The following CSGALNACT2 variants were observed in gnomAD, a reference collection of about 807,000 sequenced individuals.
CSGALNACT2 encodes the protein chondroitin sulfate N-acetylgalactosaminyltransferase 2.
In CSGALNACT2, 35 loss-of-function variants were observed where a neutral mutation model predicts 55.3. The ratio of observed to expected loss-of-function variants is 0.63; its 90% confidence interval spans 0.48 to 0.84. The LOEUF (loss-of-function observed/expected upper bound fraction) is 0.84. Ranked by LOEUF, CSGALNACT2 falls within the 40% of genes least tolerant of loss-of-function variation. CSGALNACT2 has a pLI of 0.00. For missense variants in CSGALNACT2, 544 were observed against 657.5 expected, an observed-to-expected ratio of 0.83 and a Z score of 1.89; for synonymous variants, 196 against 224.9, an observed-to-expected ratio of 0.87 and a Z score of 1.15.
chr10:43,153,116 G>A (rs1838913077), intron 1 of CSGALNACT2, among the ~76,000 whole-genome samples: 2 of 151,880 alleles, frequency 1.3e-5, no homozygotes, highest in African/African-American at 2.4e-5. Context: ...TTGGGAGGCC[G>A]AGGCGGGCGG....
chr10:43,183,842 T>G lies in CSGALNACT2; in HGVS notation c.*300T>G. Reference sequence around the variant, plus strand: ...GCCCATGTTCTGATTGTGTGTGGGATTGCATGGTGTCCTGATTGCATCTAG... The same window carrying G: ...GCCCATGTTCTGATTGTGTGTGGGAGTGCATGGTGTCCTGATTGCATCTAG... On this transcript the variant is annotated 3_prime_UTR_variant, in exon 8 of 8. Transcript: ENST00000374466. 2.6e-6 allele frequency: 1 copy of G among 390,200 alleles called. No homozygotes were observed. Among genetic ancestry groups the G allele is most frequent in the Non-Finnish European group, 4.8e-6 (1 of 206,984 alleles). 24.2% of individuals were successfully genotyped at this position (390,200 alleles called of 1,614,324 possible). A position where few individuals can be genotyped will look rare whatever the true frequency, so the allele number is the denominator to read the frequency against.
intron 6 of CSGALNACT2, among the ~76,000 whole-genome samples, chr10:43,172,476 T>G (rs1839401330): frequency 6.6e-6 from 1 of 152,210 alleles, no homozygotes; most frequent in Admixed American, 6.5e-5. Flanking sequence ...AGGTATGTAG[T>G]ATTACTGCCC....
rs1007780515 is a variant in CSGALNACT2 at position 43,142,190 on chromosome 10, GTATT to G, written c.-254+3633_-254+3636del. ...TTACACTTTTTATTTTTTTTATTTTGTATTTATTTATTTGTTTATTTATTTATTT... is the reference window on the plus strand; with the variant it reads ...TTACACTTTTTATTTTTTTTATTTTGTATTTATTTGTTTATTTATTTATTT... On this transcript the variant is annotated intron_variant, in intron 1 of 7. Coordinates refer to ENST00000374466, the MANE Select transcript of CSGALNACT2 (RefSeq NM_018590.5). Among the ~76,000 whole-genome samples, 10 of 151,420 alleles carry G rather than the reference GTATT, an allele frequency of 6.6e-5. No individual in the cohort carries two copies. In the East Asian group the frequency reaches 1.2e-3, roughly 18 times the overall value.
At chr10:43,159,530 A>G (rs1229635179) in intron 3 of CSGALNACT2, among the ~76,000 whole-genome samples, 1 of 152,082 alleles carries the variant, frequency 6.6e-6, no homozygotes, top group Non-Finnish European at 1.5e-5. Flanking sequence ...AAACGTATAC[A>G]CTCACGAACC....
intron 1 of CSGALNACT2, among the ~76,000 whole-genome samples, chr10:43,143,487 C>T (rs866021837): frequency 7.3e-6 from 1 of 137,592 alleles, no homozygotes. Flanking sequence ...AGTTTGCTCT[C>T]CAAAAATGTG....
Position 43,163,884 on chromosome 10 carries a change from T to A in CSGALNACT2, c.999T>A (p.Asn333Lys). ...ESVTSESNFHNYTLVSLNEEF... is the reference protein window; with the variant it reads ...ESVTSESNFHKYTLVSLNEEF... ...CTCATAGTGAGTCTAATTTTCACAA[T>A]TACACCTTGGTCTCATTGAATGAAG... is the stretch of plus-strand genomic sequence containing the variant. The change falls in exon 5 of 8, where the codon AAT becomes AAA. Residue 333 changes from asparagine to lysine, a missense_variant. Coordinates refer to ENST00000374466, the MANE Select transcript of CSGALNACT2 (RefSeq NM_018590.5). 1 of 1,613,578 alleles carries A rather than the reference T, an allele frequency of 6.2e-7. No individual in the cohort carries two copies.
intron 1 of CSGALNACT2, among the ~76,000 whole-genome samples, chr10:43,154,327 T>C (rs1261396596): frequency 6.6e-6 from 1 of 152,282 alleles, no homozygotes; most frequent in East Asian, 1.9e-4. Context: ...AGAATATATG[T>C]AATACAGACT....
At chr10:43,152,844 A>G (rs769776891) in intron 1 of CSGALNACT2, among the ~76,000 whole-genome samples, 1 of 152,338 alleles carries the variant, frequency 6.6e-6, no homozygotes, top group Non-Finnish European at 1.5e-5. Context: ...ATGGGCTAGT[A>G]ATAGTTAAAA....
chr10:43,140,718 C>T (rs1163991327), intron 1 of CSGALNACT2, among the ~76,000 whole-genome samples: 1 of 152,230 alleles, frequency 6.6e-6, no homozygotes, highest in African/African-American at 2.4e-5. Context: ...AAAGAACTTA[C>T]ATTGTTATTG....
intron 6 of CSGALNACT2, among the ~76,000 whole-genome samples, chr10:43,174,978 G>T (rs1044491165): frequency 2.6e-5 from 4 of 152,170 alleles, no homozygotes; most frequent in Non-Finnish European, 2.9e-5. Flanking sequence ...TCAATGCCCT[G>T]GTTTTATATT....
intron 4 of CSGALNACT2, among the ~76,000 whole-genome samples, chr10:43,161,983 G>A (rs771174098): frequency 6.6e-6 from 1 of 152,180 alleles, no homozygotes; most frequent in East Asian, 1.9e-4. Context: ...GGCAAATGGT[G>A]TAAACCTACC....
Position 43,183,646 on chromosome 10 carries a change from T to G in CSGALNACT2, c.*104T>G. 1.1e-6 allele frequency: 1 copy of G among 882,060 alleles called. No homozygotes were observed. The highest frequency in any genetic ancestry group is 1.8e-6 in the Non-Finnish European group (1 of 566,178). The allele number at this position is 882,060 out of a possible 1,614,324, so 54.6% of individuals were successfully genotyped here. A position where few individuals can be genotyped will look rare whatever the true frequency, so the allele number is the denominator to read the frequency against. On this transcript the variant is annotated 3_prime_UTR_variant, in exon 8 of 8. Coordinates refer to ENST00000374466, the MANE Select transcript of CSGALNACT2 (RefSeq NM_018590.5). ...GCCTCTTTTGGAGAAGACATGTTTATTTTTCATGTTCTTTCTGACATTACT... is the reference window on the plus strand; with the variant it reads ...GCCTCTTTTGGAGAAGACATGTTTAGTTTTCATGTTCTTTCTGACATTACT...
intron 7 of CSGALNACT2, among the ~76,000 whole-genome samples, chr10:43,178,814 G>A (rs1339909999): frequency 6.6e-6 from 1 of 151,708 alleles, no homozygotes; most frequent in African/African-American, 2.4e-5. Context: ...TACTTTTTCT[G>A]CTCCATTCTC....
In CSGALNACT2 at chr10:43,183,602, T is replaced by C; in HGVS notation, c.*60T>C. On this transcript the variant is annotated 3_prime_UTR_variant, in exon 8 of 8. Transcript: ENST00000374466. ...AACAGCACTATTTATTTAGCCTTAC[T>C]TCTACTTCCAGATGCAGTGCCTCTT... The C allele has an allele frequency of 1.4e-6, 2 of 1,404,668 alleles. No individual in the cohort carries two copies. Among genetic ancestry groups the C allele is most frequent in the Non-Finnish European group, 2.0e-6 (2 of 1,001,838 alleles). 87.0% of individuals were successfully genotyped at this position (1,404,668 alleles called of 1,614,324 possible).
chr10:43,152,107 C>A (rs1838887399), intron 1 of CSGALNACT2, among the ~76,000 whole-genome samples: 2 of 152,134 alleles, frequency 1.3e-5, no homozygotes, highest in Non-Finnish European at 2.9e-5. Flanking sequence ...CCTTTAACAG[C>A]TTATTTTCCC....
chr10:43,154,872 A>G, intron 1 of CSGALNACT2, 25 bp from the exon 2 acceptor site: 1 of 366,254 alleles, frequency 2.7e-6, no homozygotes, highest in Non-Finnish European at 4.9e-6. Context: ...CAAAATTCTG[A>G]TTGATTCTGA....
rs199874536 is a variant in CSGALNACT2 at position 43,155,756 on chromosome 10, G to C, written c.607G>C (p.Glu203Gln). 3.2e-4 allele frequency: 509 copies of C among 1,613,994 alleles called. 1 individual carries two copies. Among genetic ancestry groups the C allele is most frequent in the Admixed American group, 4.2e-4 (25 of 59,994 alleles). ...TGATGAAGATGATGAACAAGAAGAT[G>C]AGGAGGGTCCCCTTGGAGAGAAACT... ...NPDEDDEQED[E>Q]EGPLGEKLIF... Residue 203 changes from glutamate (E) to glutamine (Q), a missense_variant, in exon 2 of 8, where the codon GAG becomes CAG. Physicochemically the swap from Glu to Gln is conservative, Grantham distance 29. Around this residue, in one of 2 missense-constraint regions of CSGALNACT2, gnomAD observed 374 missense variants for 401.3 expected, o/e 0.93. Coordinates refer to ENST00000374466, the MANE Select transcript of CSGALNACT2 (RefSeq NM_018590.5).
intron 5 of CSGALNACT2, among the ~76,000 whole-genome samples, chr10:43,164,757 G>T (rs1353575370): frequency 6.6e-6 from 1 of 150,502 alleles, no homozygotes; most frequent in African/African-American, 2.4e-5. Context: ...TGAGGCAGAA[G>T]AATTGCTTGA....
At chr10:43,163,675 G>A in intron 4 of CSGALNACT2, 191 bp from the exon 5 acceptor site, 4 of 985,390 alleles carry the variant, frequency 4.1e-6, no homozygotes, top group Non-Finnish European at 4.8e-6. Flanking sequence ...CCTCAAATTG[G>A]GCATTTGGTG....
Sources: allele counts gnomAD v4.1 joint callset (sites outside exome capture counted in the v4.1 genomes callset), GRCh38; gene constraint gnomAD v4.1.1; regional missense constraint gnomAD v4.1.1; transcripts MANE v1.5; gene names NCBI Gene and HGNC (gene_info 2026-07-23, HGNC 2026-07-21).